MMP16: variants seen among roughly 807,000 people sequenced by gnomAD.
The protein encoded by MMP16 is matrix metalloproteinase-16.
A neutral mutation model predicts 67.8 loss-of-function variants in MMP16; 12 were observed. That is an observed-to-expected ratio of 0.18 (90% CI 0.11 to 0.29). MMP16 has a LOEUF of 0.29. Ranked by LOEUF, MMP16 falls within the 10% of genes least tolerant of loss-of-function variation. MMP16 has a pLI of 1.00. For missense variants in MMP16, 475 were observed against 765.7 expected (o/e 0.62, Z 4.48); for synonymous variants, 249 against 255.9 (o/e 0.97, Z 0.26).
chr8:88,186,260 T>G (rs1239436430), intron 3 of MMP16: 10 of 408,394 alleles, frequency 2.4e-5, no homozygotes, highest in Non-Finnish European at 4.3e-5. Flanking sequence ...GAAGCTGGAA[T>G]AGTTTACAAA....
At chr8:88,265,907 T>G (rs897324282) in intron 1 of MMP16, among the ~76,000 whole-genome samples, 1 of 152,046 alleles carries the variant, frequency 6.6e-6, no homozygotes, top group African/African-American at 2.4e-5. Flanking sequence ...AGAAATGGAG[T>G]TGAATGGCCT....
At chr8:88,154,918 T>C (rs1808482858) in intron 4 of MMP16, among the ~76,000 whole-genome samples, 1 of 151,726 alleles carries the variant, frequency 6.6e-6, no homozygotes, top group Admixed American at 6.6e-5. Flanking sequence ...ATATCTATTC[T>C]AGGTTGTAAA....
chr8:88,111,196 T>C (rs115913997), intron 6 of MMP16, among the ~76,000 whole-genome samples: 7 of 151,700 alleles, frequency 4.6e-5, no homozygotes. Context: ...AGAATTTTTC[T>C]AAGGGTAAGA....
At chr8:88,323,618 A>T (rs1265257785) in intron 1 of MMP16, among the ~76,000 whole-genome samples, 1 of 152,116 alleles carries the variant, frequency 6.6e-6, no homozygotes. Flanking sequence ...TCAGCTTGAA[A>T]ATTTTTTCCT....
chr8:88,282,084 G>GC (rs1183501654), intron 1 of MMP16, among the ~76,000 whole-genome samples: 2 of 16,280 alleles, frequency 1.2e-4, no homozygotes, highest in African/African-American at 2.2e-4. Flanking sequence ...TTCTTTTTTG[G>GC]GGGGGGGGGG....
intron 1 of MMP16, among the ~76,000 whole-genome samples, chr8:88,281,731 G>A (rs1403834142): frequency 2.6e-5 from 4 of 152,106 alleles, no homozygotes; most frequent in Non-Finnish European, 4.4e-5. Flanking sequence ...CCCCTGTCAG[G>A]GGGTGGACAA....
At chr8:88,282,141 C>T (rs1375505552) in intron 1 of MMP16, among the ~76,000 whole-genome samples, 2 of 144,798 alleles carry the variant, frequency 1.4e-5, no homozygotes, top group East Asian at 4.0e-4. Context: ...ATGGCATGAT[C>T]TCGGCTCACT....
intron 1 of MMP16, among the ~76,000 whole-genome samples, chr8:88,258,434 A>G (rs1442254288): frequency 3.3e-5 from 5 of 152,298 alleles, no homozygotes; most frequent in East Asian, 1.9e-4. Flanking sequence ...GTCTAATGCC[A>G]TATCAGGTCT....
chr8:88,309,263 A>C (rs1159585997), intron 1 of MMP16, among the ~76,000 whole-genome samples: 1 of 152,084 alleles, frequency 6.6e-6, no homozygotes, highest in Non-Finnish European at 1.5e-5. Context: ...TGGTTAAATA[A>C]ATTACAAGTT....
chr8:88,068,700 TTTTC>T (rs1247159985), intron 7 of MMP16, among the ~76,000 whole-genome samples: 3 of 152,106 alleles, frequency 2.0e-5, no homozygotes, highest in South Asian at 2.1e-4. Context: ...GTATTTTCTT[TTTTC>T]TTTCTTTGTT....
At chr8:88,319,974 T>G (rs370754349) in intron 1 of MMP16, among the ~76,000 whole-genome samples, 1 of 152,226 alleles carries the variant, frequency 6.6e-6, no homozygotes, top group Non-Finnish European at 1.5e-5. Flanking sequence ...TACAAAAAAC[T>G]TAGTGATGCT....
At chr8:88,204,066 AATTCATGACCT>A (rs1809387822) in intron 1 of MMP16, among the ~76,000 whole-genome samples, 1 of 152,236 alleles carries the variant, frequency 6.6e-6, no homozygotes, top group Non-Finnish European at 1.5e-5. Context: ...GAAAGACAGA[AATTCATGACCT>A]ATTCCAACTG....
intron 1 of MMP16, among the ~76,000 whole-genome samples, chr8:88,325,192 A>G (rs1811517584): frequency 6.6e-6 from 1 of 152,244 alleles, no homozygotes; most frequent in African/African-American, 2.4e-5. Context: ...CCAAAATTAA[A>G]TAAAATTTGT....
At chr8:88,049,056 G>T (rs2616497) in intron 8 of MMP16, among the ~76,000 whole-genome samples, 32,084 of 152,050 alleles carry the variant, frequency 0.21, 3,830 homozygotes, top group East Asian at 0.37. Context: ...GTACTAAGAA[G>T]TAATGCCCAA....
At chr8:88,100,788 T>C (rs1412831601) in intron 6 of MMP16, among the ~76,000 whole-genome samples, 2 of 152,012 alleles carry the variant, frequency 1.3e-5, no homozygotes, top group African/African-American at 4.8e-5. Context: ...CATGGAATAC[T>C]ATGCAGCCAT....
At chr8:88,265,805 T>C (rs1172648869) in intron 1 of MMP16, among the ~76,000 whole-genome samples, 1 of 152,190 alleles carries the variant, frequency 6.6e-6, no homozygotes, top group Non-Finnish European at 1.5e-5. Context: ...TTTGGGTAAC[T>C]TTTGTGTAAC....
At chr8:88,316,978 A>C (rs1225801580) in intron 1 of MMP16, among the ~76,000 whole-genome samples, 1 of 152,206 alleles carries the variant, frequency 6.6e-6, no homozygotes, top group Non-Finnish European at 1.5e-5. Context: ...TAAAGATCTG[A>C]CTGAATTGCT....
intron 1 of MMP16, among the ~76,000 whole-genome samples, chr8:88,274,892 G>A (rs1414466197): frequency 6.6e-6 from 1 of 151,918 alleles, no homozygotes; most frequent in Non-Finnish European, 1.5e-5. Flanking sequence ...TTCAACCGAT[G>A]TATCACCAAA....
chr8:88,121,889 G>A (rs928543579), intron 4 of MMP16, among the ~76,000 whole-genome samples: 6 of 151,866 alleles, frequency 4.0e-5, no homozygotes, highest in African/African-American at 1.5e-4. Flanking sequence ...TTCAGATACT[G>A]TCTTCTCCGC....
Sources: gnomAD v4.1 joint callset for allele counts (sites outside exome capture counted in the v4.1 genomes callset) on GRCh38, gnomAD v4.1.1 for gene constraint, MANE v1.5 for transcripts, NCBI Gene and HGNC (gene_info 2026-07-23, HGNC 2026-07-21) for gene names.